TMTC2: variants seen among roughly 807,000 people sequenced by gnomAD.
TMTC2 encodes transmembrane O-mannosyltransferase targeting cadherins 2.
In TMTC2, 43 loss-of-function variants were observed where a neutral mutation model predicts 82.4. That is an observed-to-expected ratio of 0.52 (90% CI 0.41 to 0.67). The LOEUF (loss-of-function observed/expected upper bound fraction) is 0.67. Ranked by LOEUF, TMTC2 falls within the 30% of genes least tolerant of loss-of-function variation. The probability of loss-of-function intolerance (pLI) is 0.00; values close to 1 mark genes in which losing one functional copy is unlikely to be tolerated. For synonymous variants in TMTC2, 408 were observed against 381.9 expected (o/e 1.07, Z -0.80); for missense variants, 919 against 1,012.4 (o/e 0.91, Z 1.25).
intron 1 of TMTC2, among the ~76,000 whole-genome samples, chr12:82,735,522 T>TG (rs1565727854): frequency 2.0e-5 from 3 of 151,824 alleles, no homozygotes; most frequent in Admixed American, 6.6e-5. Flanking sequence ...ATTTTTTGTA[T>TG]TTTTAGTAGA....
At position 83,082,600 on chromosome 12, in the gene TMTC2, A is replaced by G. The variant is rs12322192; in HGVS notation, c.2331+20769A>G. 5.0e-3 allele frequency among the ~76,000 whole-genome samples: 765 copies of G among 152,318 alleles called. 3 individuals are homozygous for G. Among genetic ancestry groups the G allele is most frequent in the African/African-American group, 0.018 (729 of 41,566 alleles). On this transcript the variant is annotated intron_variant, in intron 11 of 11. Transcript: ENST00000321196. ...AGCCATAGGTTAGCCTGTGTATGCT[A>G]TATCTCAAAAGTATAAATCTTAATC...
intron 8 of TMTC2, among the ~76,000 whole-genome samples, chr12:83,015,820 G>A (rs1020811861): frequency 1.3e-5 from 2 of 152,166 alleles, no homozygotes; most frequent in Non-Finnish European, 2.9e-5. Context: ...GGTCCAGTCC[G>A]GCGATACGCT....
At chr12:82,983,972 G>T (rs1879042883) in intron 7 of TMTC2, among the ~76,000 whole-genome samples, 1 of 151,416 alleles carries the variant, frequency 6.6e-6, no homozygotes, top group Non-Finnish European at 1.5e-5. Flanking sequence ...GTTCAATGTG[G>T]CAAGAAAAAA....
intron 1 of TMTC2, among the ~76,000 whole-genome samples, chr12:82,731,049 ATG>A (rs1874781624): frequency 6.6e-6 from 1 of 152,230 alleles, no homozygotes; most frequent in African/African-American, 2.4e-5. Context: ...TAATGTGCAC[ATG>A]TGTTTGTAAT....
chr12:82,864,486 A>T (rs974963214), intron 2 of TMTC2, among the ~76,000 whole-genome samples: 4 of 142,092 alleles, frequency 2.8e-5, no homozygotes, highest in Non-Finnish European at 3.0e-5. Context: ...ATATCAGTGT[A>T]TGTCACATTC....
chr12:82,843,344 C>T (rs796531670), intron 1 of TMTC2, among the ~76,000 whole-genome samples: 1 of 152,064 alleles, frequency 6.6e-6, no homozygotes, highest in African/African-American at 2.4e-5. Context: ...GCCCTGACCT[C>T]CCAAAGTGCT....
chr12:82,802,859 T>C (rs1879077170), intron 1 of TMTC2, among the ~76,000 whole-genome samples: 1 of 152,158 alleles, frequency 6.6e-6, no homozygotes, highest in African/African-American at 2.4e-5. Context: ...GCTAGTCTGG[T>C]AGCATAGGAT....
chr12:83,059,405 G>A (rs552789836), intron 10 of TMTC2, among the ~76,000 whole-genome samples: 5 of 151,828 alleles, frequency 3.3e-5, no homozygotes, highest in East Asian at 3.9e-4. Context: ...TGAGCATTCC[G>A]TGGGTACAAC....
chr12:83,118,079 A>T (rs544664681), intron 11 of TMTC2, among the ~76,000 whole-genome samples: 1 of 152,204 alleles, frequency 6.6e-6, no homozygotes, highest in East Asian at 1.9e-4. Context: ...AGGAGTCTTT[A>T]TGGTTTTCTA....
At chr12:82,894,306 A>G (rs892370862) in intron 2 of TMTC2, among the ~76,000 whole-genome samples, 3 of 152,212 alleles carry the variant, frequency 2.0e-5, no homozygotes, top group African/African-American at 7.2e-5. Flanking sequence ...GGTTGAAGGT[A>G]GAGTGGAAAA....
rs2137576964 is a variant in TMTC2 at position 83,132,656 on chromosome 12, A to G, written c.*267A>G. The G allele has an allele frequency of 2.8e-6, 1 of 362,694 alleles. No individual in the cohort carries two copies. Among genetic ancestry groups the G allele is most frequent in the South Asian group, 5.6e-5 (1 of 17,726 alleles). The allele number at this position is 362,694 out of a possible 1,614,324, so 22.5% of individuals were successfully genotyped here. A position where few individuals can be genotyped will look rare whatever the true frequency, so the allele number is the denominator to read the frequency against. On this transcript the variant is annotated 3_prime_UTR_variant, in exon 12 of 12. Coordinates refer to ENST00000321196, the MANE Select transcript of TMTC2 (RefSeq NM_152588.3). Reference sequence around the variant, plus strand: ...AGCACTTAAAACAGAACCTTTTGGCATTCTTAAAAAGGGAGGGGTGGGTGT... The same window carrying G: ...AGCACTTAAAACAGAACCTTTTGGCGTTCTTAAAAAGGGAGGGGTGGGTGT...
In TMTC2 at chr12:82,765,338, A is replaced by G. The variant is rs1240693987; in HGVS notation, c.83+77669A>G. On this transcript the variant is annotated intron_variant, in intron 1 of 11. Coordinates refer to ENST00000321196, the MANE Select transcript of TMTC2 (RefSeq NM_152588.3). ...TCAGATAGTATGTTGGGTGTTCTCA[A>G]TTTCTCTCCTTCCCCCAAACAGACT... Among the ~76,000 whole-genome samples, 7 of 152,102 alleles carry G rather than the reference A, an allele frequency of 4.6e-5. No individual in the cohort carries two copies. The East Asian group carries it at 1.2e-3, about 25-fold the overall frequency.
At chr12:82,904,806 C>T (rs1170852051) in intron 3 of TMTC2, among the ~76,000 whole-genome samples, 1 of 152,128 alleles carries the variant, frequency 6.6e-6, no homozygotes, top group Admixed American at 6.6e-5. Flanking sequence ...CTGTGGCCTC[C>T]TCTAAATCCC....
At chr12:82,997,368 GTATA>G (rs374059079) in intron 8 of TMTC2, among the ~76,000 whole-genome samples, 18 of 35,492 alleles carry the variant, frequency 5.1e-4, no homozygotes, top group African/African-American at 1.3e-3. Context: ...ATATATATGT[GTATA>G]TATATATATG....
intron 4 of TMTC2, among the ~76,000 whole-genome samples, chr12:82,953,756 G>T (rs1406038351): frequency 6.6e-6 from 1 of 151,696 alleles, no homozygotes. Context: ...AACCAATGTT[G>T]GTTCATTTCA....
intron 2 of TMTC2, among the ~76,000 whole-genome samples, chr12:82,864,396 C>T (rs907192593): frequency 6.6e-6 from 1 of 151,712 alleles, no homozygotes; most frequent in Non-Finnish European, 1.5e-5. Context: ...CCATCTGTCT[C>T]CTAAATCTGA....
chr12:83,032,257 T>TTTTATATA (rs1281689866), intron 9 of TMTC2, among the ~76,000 whole-genome samples: 1 of 130,834 alleles, frequency 7.6e-6, no homozygotes, highest in Non-Finnish European at 1.6e-5. Context: ...AGAGAATATT[T>TTTTATATA]TATATATATA....
intron 1 of TMTC2, among the ~76,000 whole-genome samples, chr12:82,752,985 G>C (rs945750463): frequency 6.6e-6 from 1 of 152,016 alleles, no homozygotes; most frequent in Admixed American, 6.6e-5. Flanking sequence ...TGCTGTTCTC[G>C]AGGGCTGCTA....
chr12:82,960,944 C>T (rs766468610), intron 4 of TMTC2, among the ~76,000 whole-genome samples: 7 of 151,590 alleles, frequency 4.6e-5, no homozygotes, highest in Non-Finnish European at 8.8e-5. Flanking sequence ...TCATAAAAAG[C>T]CTTTAGTATG....
Sources: gnomAD v4.1 joint callset for allele counts (sites outside exome capture counted in the v4.1 genomes callset) on GRCh38, gnomAD v4.1.1 for gene constraint, MANE v1.5 for transcripts, NCBI Gene and HGNC (gene_info 2026-07-23, HGNC 2026-07-21) for gene names.